Variants in DLG2 observed in about 807,000 individuals in gnomAD.
The protein encoded by DLG2 is disks large homolog 2.
DLG2 carries 45 observed loss-of-function variants against 132.5 expected under a neutral mutation model. That is an observed-to-expected ratio of 0.34 (90% CI 0.27 to 0.44). The LOEUF (loss-of-function observed/expected upper bound fraction) is 0.44, where lower values mean the gene tolerates loss of function less well. DLG2 is among the 20% of genes least tolerant of loss of function. The pLI, the probability that DLG2 is intolerant of heterozygous loss-of-function variation, is 1.00. For synonymous variants in DLG2, 424 were observed against 419.6 expected (o/e 1.01, Z -0.13); for missense variants, 1,045 against 1,196.9 (o/e 0.87, Z 1.87).
At chr11:84,530,441 A>G (rs1021648578) in intron 7 of DLG2, among the ~76,000 whole-genome samples, 3 of 152,122 alleles carry the variant, frequency 2.0e-5, no homozygotes, top group Non-Finnish European at 2.9e-5. Context: ...CCAAAAAACA[A>G]TCCTTTAAAA....
At chr11:83,718,953 A>G (rs1371797785) in intron 18 of DLG2, among the ~76,000 whole-genome samples, 1 of 152,212 alleles carries the variant, frequency 6.6e-6, no homozygotes, top group East Asian at 1.9e-4. Context: ...TCCAGCACCT[A>G]TAGGCACCAG....
chr11:84,103,518 G>A (rs533290397), intron 9 of DLG2, among the ~76,000 whole-genome samples: 9 of 152,288 alleles, frequency 5.9e-5, no homozygotes, highest in African/African-American at 2.2e-4. Flanking sequence ...ACCCTGTAAA[G>A]GATTCTGGGT....
chr11:84,041,722 T>C (rs2096086573), intron 11 of DLG2, among the ~76,000 whole-genome samples: 1 of 151,964 alleles, frequency 6.6e-6, no homozygotes, highest in Admixed American at 6.6e-5. Context: ...AAAATAAACA[T>C]TTATATTTAA....
intron 6 of DLG2, among the ~76,000 whole-genome samples, chr11:85,058,318 A>T (rs2063682434): frequency 6.6e-6 from 1 of 151,556 alleles, no homozygotes; most frequent in African/African-American, 2.4e-5. Context: ...GCACCTCTGA[A>T]CGAGTAAATG....
At chr11:84,361,266 T>G (rs1217636447) in intron 7 of DLG2, among the ~76,000 whole-genome samples, 1 of 151,868 alleles carries the variant, frequency 6.6e-6, no homozygotes, top group Non-Finnish European at 1.5e-5. Flanking sequence ...AGAATGAACA[T>G]AAAGAAAACC....
rs1324242112 is a variant in DLG2 at position 83,520,432 on chromosome 11, G to C, written c.2193+12276C>G. On this transcript the variant is annotated intron_variant, in intron 21 of 27. Transcript: ENST00000376104. ...ATTATTTTTCTCTTTTTCTCTTACA[G>C]GGATTTCAAGTGCACAGAAAGGGAA... Among the ~76,000 whole-genome samples, 4 of 152,266 alleles carry C rather than the reference G, an allele frequency of 2.6e-5. No homozygotes were observed. In the East Asian group the frequency reaches 7.7e-4, roughly 29 times the overall value.
At chr11:84,733,634 T>G (rs916096995) in intron 6 of DLG2, among the ~76,000 whole-genome samples, 1 of 152,194 alleles carries the variant, frequency 6.6e-6, no homozygotes, top group Non-Finnish European at 1.5e-5. Flanking sequence ...AGAAGCTCTT[T>G]AGTTTAATTA....
intron 3 of DLG2, among the ~76,000 whole-genome samples, chr11:85,486,696 T>A (rs2093436804): frequency 6.6e-6 from 1 of 151,940 alleles, no homozygotes; most frequent in Middle Eastern, 3.4e-3. Flanking sequence ...CCAGTATGGA[T>A]CACTTGGATT....
intron 18 of DLG2, among the ~76,000 whole-genome samples, chr11:83,721,797 G>A (rs778391971): frequency 6.6e-5 from 10 of 152,142 alleles, no homozygotes; most frequent in Non-Finnish European, 1.3e-4. Flanking sequence ...CTTACTGAAG[G>A]CAAACTTATG....
intron 3 of DLG2, among the ~76,000 whole-genome samples, chr11:85,574,717 C>T (rs551097353): frequency 6.6e-6 from 1 of 152,236 alleles, no homozygotes; most frequent in South Asian, 2.1e-4. Flanking sequence ...CTCCCTCTCT[C>T]AACATGTGAC....
chr11:83,562,966 C>CTTT (rs527949325), intron 19 of DLG2, among the ~76,000 whole-genome samples: 10 of 81,366 alleles, frequency 1.2e-4, no homozygotes, highest in South Asian at 4.7e-4. Context: ...TTCCCTAATT[C>CTTT]TTTTTTTTTT....
intron 20 of DLG2, among the ~76,000 whole-genome samples, chr11:83,534,408 C>T (rs1300361582): frequency 5.3e-5 from 8 of 152,222 alleles, no homozygotes; most frequent in South Asian, 2.1e-4. Context: ...AGAAAAAACC[C>T]GAACCTACAG....
chr11:84,818,741 G>T (rs2077342150), intron 6 of DLG2, among the ~76,000 whole-genome samples: 1 of 151,774 alleles, frequency 6.6e-6, no homozygotes, highest in Non-Finnish European at 1.5e-5. Flanking sequence ...ATCCTATAAG[G>T]TACATATGTT....
chr11:84,635,150 G>A (rs1272702260), intron 6 of DLG2, among the ~76,000 whole-genome samples: 4 of 152,218 alleles, frequency 2.6e-5, no homozygotes, highest in Non-Finnish European at 4.4e-5. Flanking sequence ...CCCAGGCAGC[G>A]GGAATTTCAG....
intron 7 of DLG2, among the ~76,000 whole-genome samples, chr11:84,501,654 A>G (rs550592856): frequency 1.7e-4 from 26 of 152,332 alleles, no homozygotes; most frequent in African/African-American, 4.6e-4. Context: ...AGAAACAGTC[A>G]GGTATATGCA....
intron 3 of DLG2, among the ~76,000 whole-genome samples, chr11:85,387,846 G>A (rs2086473362): frequency 6.6e-6 from 1 of 152,174 alleles, no homozygotes; most frequent in Non-Finnish European, 1.5e-5. Context: ...CTAACTGGCA[G>A]CTCCTACTCA....
chr11:84,977,333 G>A (rs1332845751), intron 6 of DLG2, among the ~76,000 whole-genome samples: 1 of 152,012 alleles, frequency 6.6e-6, no homozygotes, highest in Non-Finnish European at 1.5e-5. Context: ...AATTACTACA[G>A]GCAGTTTTTA....
chr11:85,181,931 A>T (rs1235743270), intron 4 of DLG2, among the ~76,000 whole-genome samples: 2 of 151,844 alleles, frequency 1.3e-5, no homozygotes, highest in African/African-American at 2.4e-5. Context: ...ACATCCAGGC[A>T]AGGAGACTGC....
intron 6 of DLG2, among the ~76,000 whole-genome samples, chr11:84,718,797 G>T (rs536405938): frequency 3.4e-4 from 51 of 152,188 alleles, no homozygotes; most frequent in African/African-American, 1.2e-3. Context: ...CTTAGTTATT[G>T]GTGCTATTCA....
Sources: allele counts gnomAD v4.1 joint callset (sites outside exome capture counted in the v4.1 genomes callset), GRCh38; gene constraint gnomAD v4.1.1; transcripts MANE v1.5; gene names NCBI Gene and HGNC (gene_info 2026-07-23, HGNC 2026-07-21).